SPMIP8: variants seen among roughly 807,000 people sequenced by gnomAD.
SPMIP8 encodes the protein testicular tissue protein Li 196.
At chr16:57,978,189 T>G in the SPMIP8 span, 1 of 839,642 alleles carries the variant, frequency 1.2e-6, no homozygotes, top group Non-Finnish European at 1.8e-6. Context: ...TGTTTACTGC[T>G]CAGTACAATG....
At chr16:57,979,796 G>A in the SPMIP8 span, among the ~76,000 whole-genome samples, 33 of 152,296 alleles carry the variant, frequency 2.2e-4, no homozygotes, top group Non-Finnish European at 3.4e-4. Context: ...GGCAGGGTAC[G>A]GTGGCTCACA....
the SPMIP8 span, chr16:57,977,953 T>C: frequency 6.2e-7 from 1 of 1,614,064 alleles, no homozygotes; most frequent in Non-Finnish European, 8.5e-7. Context: ...CACCCAGCCC[T>C]GCCCACCCTG....
the SPMIP8 span, chr16:57,986,201 G>T: frequency 2.4e-6 from 1 of 415,414 alleles, no homozygotes; most frequent in Non-Finnish European, 4.3e-6. Context: ...CAAAAGGATA[G>T]GGCGAGGATG....
chr16:57,986,687 G>C, the SPMIP8 span: 1 of 152,146 alleles, frequency 6.6e-6, no homozygotes, highest in African/African-American at 2.4e-5. Context: ...TCCGCCTCCC[G>C]GGTTCAAGCA....
the SPMIP8 span, among the ~76,000 whole-genome samples, chr16:57,981,501 C>CTTTTTTT: frequency 1.0e-4 from 7 of 68,982 alleles, 1 homozygote; most frequent in African/African-American, 2.8e-4. Flanking sequence ...CTCTCTTTCT[C>CTTTTTTT]TTTTTTTTTT....
At chr16:57,984,822 G>C in the SPMIP8 span, 4 of 1,585,078 alleles carry the variant, frequency 2.5e-6, no homozygotes, top group East Asian at 2.3e-5. Flanking sequence ...TCAGTCTACG[G>C]GCCGCTGAAG....
At chr16:57,984,911 A>T in the SPMIP8 span, 3 of 1,424,636 alleles carry the variant, frequency 2.1e-6, no homozygotes, top group Non-Finnish European at 2.8e-6. Flanking sequence ...CGGGCCAGGC[A>T]GAAACAGGGC....
At chr16:57,986,032 C>G in the SPMIP8 span, 2 of 1,477,110 alleles carry the variant, frequency 1.4e-6, no homozygotes, top group African/African-American at 1.4e-5. Context: ...TCTGAAACCC[C>G]CCTGCCCCAG....
the SPMIP8 span, among the ~76,000 whole-genome samples, chr16:57,981,419 T>TATTATTATTATAATA: frequency 7.1e-6 from 1 of 140,186 alleles, no homozygotes; most frequent in East Asian, 2.0e-4. Flanking sequence ...TAATAATTAT[T>TATTATTATTATAATA]ATTATTATTA....
chr16:57,985,170 G>T, the SPMIP8 span: 6 of 1,441,232 alleles, frequency 4.2e-6, no homozygotes, highest in East Asian at 2.5e-5. Flanking sequence ...CTGGGGGGGG[G>T]CGGATGAGCG....
At chr16:57,981,700 G>C in the SPMIP8 span, among the ~76,000 whole-genome samples, 2 of 151,538 alleles carry the variant, frequency 1.3e-5, no homozygotes, top group Non-Finnish European at 2.9e-5. Flanking sequence ...ATTTTTAGTA[G>C]ACATGGGGTT....
chr16:57,982,357 C>A, the SPMIP8 span, among the ~76,000 whole-genome samples: 1 of 152,146 alleles, frequency 6.6e-6, no homozygotes, highest in Admixed American at 6.6e-5. Flanking sequence ...CTTGTTATGT[C>A]TTTTGTCTTA....
the SPMIP8 span, among the ~76,000 whole-genome samples, chr16:57,977,243 C>T: frequency 2.0e-5 from 3 of 151,860 alleles, no homozygotes; most frequent in Non-Finnish European, 2.9e-5. Flanking sequence ...AACCCCGTCT[C>T]TACTAAAAAT....
chr16:57,985,949 A>T, the SPMIP8 span: 1 of 1,611,992 alleles, frequency 6.2e-7, no homozygotes, highest in Non-Finnish European at 8.5e-7. Flanking sequence ...CAGGTAGGGG[A>T]ACGGTCCTGT....
At chr16:57,978,146 C>T in the SPMIP8 span, 20 of 1,301,684 alleles carry the variant, frequency 1.5e-5, no homozygotes, top group Admixed American at 2.2e-5. Flanking sequence ...CTGCTGCTCC[C>T]TGCCCAGGAC....
chr16:57,985,276 C>A, the SPMIP8 span: 3 of 1,554,680 alleles, frequency 1.9e-6, no homozygotes, highest in Non-Finnish European at 2.6e-6. Flanking sequence ...GGGTAGGGAG[C>A]GCTGCGCGCA....
chr16:57,981,850 A>G, the SPMIP8 span, among the ~76,000 whole-genome samples: 173 of 152,190 alleles, frequency 1.1e-3, 1 homozygote, highest in African/African-American at 4.1e-3. Context: ...TATTGTGTCT[A>G]AACCGCAAAA....
At chr16:57,976,653 G>A in the SPMIP8 span, 1 of 1,611,868 alleles carries the variant, frequency 6.2e-7, no homozygotes, top group African/African-American at 1.3e-5. Flanking sequence ...GAAGCAGGGA[G>A]CCCTTGCTCT....
chr16:57,988,078 TC>T, the SPMIP8 span: 1 of 152,380 alleles, frequency 6.6e-6, no homozygotes, highest in East Asian at 1.9e-4. Flanking sequence ...TTCCCCGCTC[TC>T]CAAAGCACCA....
Sources: allele counts gnomAD v4.1 joint callset (sites outside exome capture counted in the v4.1 genomes callset), GRCh38; gene constraint gnomAD v4.1.1; transcripts MANE v1.5; gene names NCBI Gene and HGNC (gene_info 2026-07-23, HGNC 2026-07-21).